Variants in DACH2 observed in about 807,000 individuals in gnomAD.
DACH2 encodes dachshund family transcription factor 2, also known as dachshund homolog 2.
In DACH2, 17 loss-of-function variants were observed where a neutral mutation model predicts 35.8. The ratio of observed to expected loss-of-function variants is 0.48; its 90% CI spans 0.33 to 0.71. DACH2 has a LOEUF of 0.71. DACH2 is among the 30% of genes least tolerant of loss of function. The pLI, the probability that DACH2 is intolerant of heterozygous loss-of-function variation, is 0.02. For missense variants in DACH2, 469 were observed against 472.7 expected (o/e 0.99, Z 0.07); for synonymous variants, 195 against 177.3 (o/e 1.10, Z -0.79).
intron 2 of DACH2, among the ~76,000 whole-genome samples, chrX:86,467,912 G>T (rs975727700): frequency 9.0e-6 from 1 of 111,301 alleles, no homozygotes; most frequent in Non-Finnish European, 1.9e-5. Context: ...AGAGCACGGA[G>T]GTAAATGGCC....
At chrX:86,550,617 C>A (rs1459967780) in intron 3 of DACH2, among the ~76,000 whole-genome samples, 1 of 111,082 alleles carries the variant, frequency 9.0e-6, no homozygotes, top group Non-Finnish European at 1.9e-5. Flanking sequence ...CATTGGCCTT[C>A]CTAGAGGAAA....
At chrX:86,304,127 C>G (rs1365092562) in intron 1 of DACH2, among the ~76,000 whole-genome samples, 1 of 112,043 alleles carries the variant, frequency 8.9e-6, no homozygotes, top group Admixed American at 9.5e-5. Context: ...GGGGAAAGAA[C>G]AGCTGCTTCA....
chrX:86,320,898 G>C (rs2035003501), intron 1 of DACH2, among the ~76,000 whole-genome samples: 2 of 111,971 alleles, frequency 1.8e-5, no homozygotes, highest in Non-Finnish European at 3.8e-5. Flanking sequence ...TCCCAAGTGG[G>C]GGAGGGGGTG....
intron 3 of DACH2, among the ~76,000 whole-genome samples, chrX:86,635,014 C>T (rs181963054): frequency 1.5e-3 from 163 of 111,478 alleles, no homozygotes; most frequent in South Asian, 6.7e-3. Context: ...CTAACTTATT[C>T]TATAAGGCCA....
At chrX:86,538,638 G>A (rs1248584825) in intron 3 of DACH2, among the ~76,000 whole-genome samples, 1 of 111,647 alleles carries the variant, frequency 9.0e-6, no homozygotes, top group Non-Finnish European at 1.9e-5. Flanking sequence ...AGGCAAGATA[G>A]CAAGAGAGGA....
chrX:86,339,151 G>T (rs907202244), intron 1 of DACH2, among the ~76,000 whole-genome samples: 2 of 111,269 alleles, frequency 1.8e-5, no homozygotes, highest in Non-Finnish European at 3.8e-5. Flanking sequence ...AGAGGAGTTG[G>T]TACCCCGCCT....
At chrX:86,285,791 T>TG (rs1294795155) in intron 1 of DACH2, among the ~76,000 whole-genome samples, 2 of 111,830 alleles carry the variant, frequency 1.8e-5, no homozygotes, top group African/African-American at 3.2e-5. Context: ...ATTACTGTAT[T>TG]GGGGTCTCAC....
intron 1 of DACH2, among the ~76,000 whole-genome samples, chrX:86,245,843 CAT>C (rs1569314991): frequency 2.7e-5 from 3 of 111,586 alleles, no homozygotes; most frequent in Non-Finnish European, 5.6e-5. Context: ...GCAGAAATGA[CAT>C]ATAGAATTCA....
chrX:86,328,014 T>A (rs2035145974), intron 1 of DACH2, among the ~76,000 whole-genome samples: 1 of 112,035 alleles, frequency 8.9e-6, no homozygotes, highest in Non-Finnish European at 1.9e-5. Flanking sequence ...CAATACTTGT[T>A]TTTTTCTTCC....
chrX:86,443,541 G>A (rs1318437857), intron 2 of DACH2, among the ~76,000 whole-genome samples: 1 of 108,456 alleles, frequency 9.2e-6, no homozygotes, highest in Non-Finnish European at 1.9e-5. Flanking sequence ...TCTCTGGTTA[G>A]GGATATTACT....
chrX:86,444,670 T>C (rs576391430), intron 2 of DACH2, among the ~76,000 whole-genome samples: 1 of 111,659 alleles, frequency 9.0e-6, no homozygotes, highest in South Asian at 3.7e-4. Context: ...GAGTTTTCTC[T>C]CTTTTTTCCT....
At chrX:86,546,895 T>G (rs962049423) in intron 3 of DACH2, among the ~76,000 whole-genome samples, 3 of 110,547 alleles carry the variant, frequency 2.7e-5, no homozygotes, top group Admixed American at 9.7e-5. Flanking sequence ...CTTACCTACT[T>G]TTTTGCAGGT....
intron 4 of DACH2, among the ~76,000 whole-genome samples, chrX:86,684,130 T>C (rs1423380837): frequency 8.9e-6 from 1 of 111,854 alleles, no homozygotes; most frequent in Non-Finnish European, 1.9e-5. Flanking sequence ...GAAAACTTTC[T>C]GTGTGAGTAA....
chrX:86,203,697 C>T (rs2032212667), intron 1 of DACH2, among the ~76,000 whole-genome samples: 1 of 111,005 alleles, frequency 9.0e-6, no homozygotes, highest in Non-Finnish European at 1.9e-5. Flanking sequence ...GAGGACATGC[C>T]CCCATCTTTT....
intron 1 of DACH2, among the ~76,000 whole-genome samples, chrX:86,197,681 C>T (rs1322893303): frequency 9.0e-6 from 1 of 111,492 alleles, no homozygotes; most frequent in Non-Finnish European, 1.9e-5. Flanking sequence ...GAGAGCATTA[C>T]ATAATGGTGA....
At chrX:86,816,010 A>G (rs780171769) in intron 10 of DACH2, 24 bp from the exon 11 acceptor site, 25 of 1,137,454 alleles carry the variant, frequency 2.2e-5, no homozygotes, top group Non-Finnish European at 3.0e-5. Flanking sequence ...ATTGTATATT[A>G]ATCTTGCATG....
chrX:86,387,227 T>G (rs1448551281), intron 2 of DACH2, among the ~76,000 whole-genome samples: 5 of 111,496 alleles, frequency 4.5e-5, no homozygotes, highest in African/African-American at 1.6e-4. Flanking sequence ...TGGGGTCAAA[T>G]AAATTTGGGA....
At chrX:86,163,811 T>A (rs2030849755) in intron 1 of DACH2, among the ~76,000 whole-genome samples, 1 of 111,933 alleles carries the variant, frequency 8.9e-6, no homozygotes, top group Non-Finnish European at 1.9e-5. Flanking sequence ...CACTTTTTTT[T>A]AATCCATTTC....
chrX:86,749,455 G>T (rs889601911), intron 7 of DACH2, among the ~76,000 whole-genome samples: 2 of 111,388 alleles, frequency 1.8e-5, no homozygotes, highest in Non-Finnish European at 3.8e-5. Flanking sequence ...GTATCTCAGG[G>T]AATAGAAGAC....
Sources: gnomAD v4.1 joint callset for allele counts (sites outside exome capture counted in the v4.1 genomes callset) on GRCh38, gnomAD v4.1.1 for gene constraint, MANE v1.5 for transcripts, NCBI Gene and HGNC (gene_info 2026-07-23, HGNC 2026-07-21) for gene names.